CPLX1: variants seen among roughly 807,000 people sequenced by gnomAD.
The protein encoded by CPLX1 is complexin-1.
Under a neutral mutation model 15.6 loss-of-function variants are expected in CPLX1, and 6 were observed. That is an observed-to-expected ratio of 0.39 (90% CI 0.21 to 0.76). The LOEUF (loss-of-function observed/expected upper bound fraction) is 0.76, where lower values mean the gene tolerates loss of function less well. CPLX1 is among the 30% of genes least tolerant of loss of function. The pLI is 0.43. For missense variants in CPLX1, 242 were observed against 188.6 expected, an observed-to-expected ratio of 1.28 and a Z score of -1.66; for synonymous variants, 91 against 75.2, an observed-to-expected ratio of 1.21 and a Z score of -1.08.
At chr4:822,672 G>A (rs1746894796) in intron 2 of CPLX1, among the ~76,000 whole-genome samples, 1 of 151,976 alleles carries the variant, frequency 6.6e-6, no homozygotes, top group Admixed American at 6.6e-5. Context: ...AGTTCTCTTG[G>A]GGTCTCTGCC....
chr4:822,314 T>G (rs1355172812), intron 2 of CPLX1, among the ~76,000 whole-genome samples: 1 of 151,426 alleles, frequency 6.6e-6, no homozygotes, highest in Non-Finnish European at 1.5e-5. Flanking sequence ...TATCCCTCTG[T>G]CTCTCCCTCT....
At chr4:805,046 C>T (rs1045110949) in intron 2 of CPLX1, 3 of 618,362 alleles carry the variant, frequency 4.9e-6, no homozygotes, top group Non-Finnish European at 6.1e-6. Flanking sequence ...TCGGCAGCGG[C>T]CCTGGCGTGT....
intron 2 of CPLX1, among the ~76,000 whole-genome samples, chr4:817,298 A>T (rs1746775033): frequency 6.6e-6 from 1 of 151,568 alleles, no homozygotes; most frequent in Admixed American, 6.6e-5. Context: ...TCACGCCTGT[A>T]ATCCCAGCAC....
At chr4:819,974 C>T (rs1375466632) in intron 2 of CPLX1, among the ~76,000 whole-genome samples, 7 of 152,210 alleles carry the variant, frequency 4.6e-5, no homozygotes, top group South Asian at 4.1e-4. Context: ...CCTGACACAT[C>T]GTCACCCCAA....
intron 3 of CPLX1, among the ~76,000 whole-genome samples, chr4:792,102 C>G (rs957232104): frequency 1.3e-5 from 2 of 152,082 alleles, no homozygotes; most frequent in African/African-American, 4.8e-5. Context: ...AGAGCGCACC[C>G]CCCATGCCAG....
At chr4:803,665 G>C (rs1166152276) in intron 2 of CPLX1, among the ~76,000 whole-genome samples, 1 of 152,080 alleles carries the variant, frequency 6.6e-6, no homozygotes, top group Non-Finnish European at 1.5e-5. Context: ...GATTACAGGC[G>C]TGAGCCACCG....
chr4:825,287 C>A (rs1025744118), intron 1 of CPLX1, among the ~76,000 whole-genome samples: 2 of 152,174 alleles, frequency 1.3e-5, no homozygotes, highest in Admixed American at 6.5e-5. Flanking sequence ...CCGCAGTGAG[C>A]CCCCCGGTTT....
chr4:791,554 A>G (rs1017055505), intron 3 of CPLX1, among the ~76,000 whole-genome samples: 1 of 152,154 alleles, frequency 6.6e-6, no homozygotes, highest in Non-Finnish European at 1.5e-5. Context: ...ACACAAGGCC[A>G]GGAAACGGCT....
intron 2 of CPLX1, among the ~76,000 whole-genome samples, chr4:797,073 C>T (rs1037206236): frequency 1.3e-5 from 2 of 152,184 alleles, no homozygotes; most frequent in Non-Finnish European, 2.9e-5. Context: ...AAACTGGACC[C>T]CTGCACAACA....
intron 3 of CPLX1, among the ~76,000 whole-genome samples, chr4:791,775 G>C (rs1475993215): frequency 6.6e-6 from 1 of 152,156 alleles, no homozygotes; most frequent in Non-Finnish European, 1.5e-5. Flanking sequence ...CAGCACCCCA[G>C]GCCCCTTCTA....
intron 2 of CPLX1, chr4:804,700 C>G (rs1285454859): frequency 1.0e-6 from 1 of 977,872 alleles, no homozygotes; most frequent in African/African-American, 1.8e-5. Context: ...GTTCATATGG[C>G]AGAATTGATG....
chr4:788,144 A>G, intron 3 of CPLX1: 1 of 985,310 alleles, frequency 1.0e-6, no homozygotes, highest in Non-Finnish European at 1.2e-6. Flanking sequence ...CTCCCCTGCC[A>G]TCTCCTGCTC....
chr4:798,608 G>A (rs1329090759), intron 2 of CPLX1, among the ~76,000 whole-genome samples: 2 of 152,120 alleles, frequency 1.3e-5, no homozygotes, highest in Non-Finnish European at 2.9e-5. Flanking sequence ...TGTTGCCCAG[G>A]TTGGTCTCGA....
chr4:803,649 C>A (rs572295068), intron 2 of CPLX1, among the ~76,000 whole-genome samples: 1 of 150,322 alleles, frequency 6.7e-6, no homozygotes, highest in African/African-American at 2.5e-5. Flanking sequence ...CCTCTCAAAG[C>A]GCTGGGATTA....
At chr4:812,319 C>G (rs1052013186) in intron 2 of CPLX1, among the ~76,000 whole-genome samples, 1 of 152,110 alleles carries the variant, frequency 6.6e-6, no homozygotes, top group African/African-American at 2.4e-5. Flanking sequence ...TCAGGTGATT[C>G]AGTTGCCTCA....
chr4:815,604 G>A (rs1180795367), intron 2 of CPLX1, among the ~76,000 whole-genome samples: 1 of 152,150 alleles, frequency 6.6e-6, no homozygotes, highest in African/African-American at 2.4e-5. Context: ...AGATGACCCC[G>A]TGTGGCACTT....
intron 2 of CPLX1, among the ~76,000 whole-genome samples, chr4:795,757 G>A (rs977642866): frequency 7.2e-5 from 11 of 151,848 alleles, no homozygotes; most frequent in African/African-American, 2.2e-4. Context: ...CCCAGCGGGA[G>A]GGGCCCTTCC....
intron 3 of CPLX1, chr4:788,138 C>T (rs961112997): frequency 2.0e-6 from 2 of 985,280 alleles, no homozygotes; most frequent in African/African-American, 3.5e-5. Context: ...GAGCCCCTCC[C>T]CTGCCATCTC....
At chr4:825,638 C>T (rs556534979) in intron 1 of CPLX1, among the ~76,000 whole-genome samples, 4 of 151,544 alleles carry the variant, frequency 2.6e-5, no homozygotes, top group East Asian at 2.0e-4. Context: ...GGGGGAGCCT[C>T]GAGACAGGAA....
Sources: gnomAD v4.1 joint callset for allele counts (sites outside exome capture counted in the v4.1 genomes callset) on GRCh38, gnomAD v4.1.1 for gene constraint, MANE v1.5 for transcripts, NCBI Gene and HGNC (gene_info 2026-07-23, HGNC 2026-07-21) for gene names.